Variants in SAMD5 observed in about 807,000 individuals in gnomAD.
SAMD5 encodes sterile alpha motif domain-containing protein 5.
A neutral mutation model predicts 11.3 loss-of-function variants in SAMD5; 13 were observed. That is an observed-to-expected ratio of 1.15 (90% CI 0.75 to 1.83). SAMD5 has a LOEUF of 1.83. Among genes scored for constraint, SAMD5 ranks in the 40% most tolerant of loss-of-function variants. SAMD5 has a pLI of 0.00. For synonymous variants in SAMD5, 129 were observed against 111.3 expected (o/e 1.16, Z -1.00); for missense variants, 255 against 239.1 (o/e 1.07, Z -0.44).
chr6:147,860,297 C>T, the SAMD5 span, among the ~76,000 whole-genome samples: 7 of 152,156 alleles, frequency 4.6e-5, no homozygotes, highest in Non-Finnish European at 7.4e-5. Flanking sequence ...GACTAAGGTC[C>T]GCCCTAATCC....
At chr6:147,933,112 A>T in the SAMD5 span, among the ~76,000 whole-genome samples, 204 of 152,304 alleles carry the variant, frequency 1.3e-3, 1 homozygote, top group Non-Finnish European at 2.6e-3. Context: ...TATGGATAAA[A>T]TTCCATCACA....
the SAMD5 span, among the ~76,000 whole-genome samples, chr6:147,797,903 C>G: frequency 6.6e-6 from 1 of 150,950 alleles, no homozygotes; most frequent in East Asian, 2.0e-4. Flanking sequence ...TCTGTGGGAT[C>G]GGTGGTGATA....
chr6:147,753,846 A>G, the SAMD5 span, among the ~76,000 whole-genome samples: 1 of 152,050 alleles, frequency 6.6e-6, no homozygotes, highest in African/African-American at 2.4e-5. Context: ...TAATATTGTG[A>G]TCTCCAGTTC....
chr6:147,774,894 CAT>C, the SAMD5 span, among the ~76,000 whole-genome samples: 11 of 152,070 alleles, frequency 7.2e-5, no homozygotes, highest in East Asian at 3.9e-4. Context: ...CACACACACA[CAT>C]GATTAAAAAT....
chr6:147,645,423 A>G (rs1240919419), intron 1 of SAMD5, among the ~76,000 whole-genome samples: 1 of 152,142 alleles, frequency 6.6e-6, no homozygotes, highest in Non-Finnish European at 1.5e-5. Context: ...AGCAAAAAGA[A>G]CATTGACCCT....
the SAMD5 span, among the ~76,000 whole-genome samples, chr6:147,814,266 T>C: frequency 6.6e-6 from 1 of 152,192 alleles, no homozygotes; most frequent in Admixed American, 6.5e-5. Context: ...ATGTGTGTAT[T>C]TGAATGAAAA....
chr6:147,806,585 C>A, the SAMD5 span, among the ~76,000 whole-genome samples: 4 of 152,182 alleles, frequency 2.6e-5, no homozygotes, highest in African/African-American at 7.2e-5. Flanking sequence ...CATTTGCCTG[C>A]CTATACCACT....
chr6:147,751,053 C>T, the SAMD5 span, among the ~76,000 whole-genome samples: 1 of 152,134 alleles, frequency 6.6e-6, no homozygotes, highest in Non-Finnish European at 1.5e-5. Context: ...GGGCAGATGA[C>T]CACATCATGG....
intron 1 of SAMD5, among the ~76,000 whole-genome samples, chr6:147,538,356 CTAG>C (rs1302227145): frequency 6.6e-6 from 1 of 152,178 alleles, no homozygotes; most frequent in Non-Finnish European, 1.5e-5. Flanking sequence ...ACCCTCTGAA[CTAG>C]TCAAAATTAT....
At chr6:147,743,608 T>A in the SAMD5 span, among the ~76,000 whole-genome samples, 2 of 152,250 alleles carry the variant, frequency 1.3e-5, no homozygotes, top group Non-Finnish European at 2.9e-5. Context: ...TTCACTCATT[T>A]TATTTGAAGC....
At chr6:147,740,882 C>T (rs1791870434), downstream of SAMD5, among the ~76,000 whole-genome samples, 1 of 152,194 alleles carries the variant, frequency 6.6e-6, no homozygotes, top group Non-Finnish European at 1.5e-5. Context: ...CTGACCAATC[C>T]TCTGTCTTGT....
chr6:147,554,876 C>T (rs1322772606), intron 1 of SAMD5, among the ~76,000 whole-genome samples: 4 of 152,250 alleles, frequency 2.6e-5, no homozygotes, highest in East Asian at 3.9e-4. Flanking sequence ...CTCAAAGTGC[C>T]GTCCCCAAGG....
the SAMD5 span, among the ~76,000 whole-genome samples, chr6:147,877,349 T>A: frequency 6.6e-6 from 1 of 152,210 alleles, no homozygotes; most frequent in Non-Finnish European, 1.5e-5. Flanking sequence ...AATCCTTGTA[T>A]ATTTTTCCAG....
At chr6:147,895,038 T>C in the SAMD5 span, among the ~76,000 whole-genome samples, 1 of 152,254 alleles carries the variant, frequency 6.6e-6, no homozygotes, top group South Asian at 2.1e-4. Context: ...AAAGAATTGC[T>C]ACAAAGCTTG....
chr6:147,712,989 A>G (rs1791420740), intron 1 of SAMD5, among the ~76,000 whole-genome samples: 1 of 152,160 alleles, frequency 6.6e-6, no homozygotes, highest in South Asian at 2.1e-4. Flanking sequence ...TTTTTTTCTC[A>G]AAGTCAAGCA....
At chr6:147,903,488 CT>C in the SAMD5 span, among the ~76,000 whole-genome samples, 2 of 152,186 alleles carry the variant, frequency 1.3e-5, no homozygotes, top group Admixed American at 6.5e-5. Flanking sequence ...ATGGCATCGT[CT>C]AACAGCAGTC....
the SAMD5 span, among the ~76,000 whole-genome samples, chr6:147,831,577 G>A: frequency 1.3e-5 from 2 of 152,174 alleles, no homozygotes; most frequent in Non-Finnish European, 1.5e-5. Flanking sequence ...CTTGGGAAAC[G>A]TGGCTGCCCT....
chr6:147,803,363 G>A, the SAMD5 span, among the ~76,000 whole-genome samples: 2 of 151,760 alleles, frequency 1.3e-5, no homozygotes, highest in South Asian at 2.1e-4. Context: ...TCCTTTGTTC[G>A]GCCATCGTCG....
chr6:147,550,160 T>A (rs1788746868), intron 1 of SAMD5, among the ~76,000 whole-genome samples: 1 of 152,024 alleles, frequency 6.6e-6, no homozygotes, highest in Non-Finnish European at 1.5e-5. Flanking sequence ...AAAGGATTGC[T>A]TGAGCCCAGG....
Sources: gnomAD v4.1 joint callset for allele counts (sites outside exome capture counted in the v4.1 genomes callset) on GRCh38, gnomAD v4.1.1 for gene constraint, MANE v1.5 for transcripts, NCBI Gene and HGNC (gene_info 2026-07-23, HGNC 2026-07-21) for gene names.